The following OPA3 variants were observed in gnomAD, a reference collection of about 807,000 sequenced individuals.
The protein encoded by OPA3 is optic atrophy 3 protein.
OPA3 carries 6 observed loss-of-function variants against 4.0 expected under a neutral mutation model. The observed-to-expected ratio is 1.51, with a 90% CI of 0.83 to 2.99. The LOEUF (loss-of-function observed/expected upper bound fraction) is 2.99. Among genes scored for constraint, OPA3 ranks in the 30% most tolerant of loss-of-function variants. The pLI is 0.00. For missense variants in OPA3, 235 were observed against 256.2 expected, an observed-to-expected ratio of 0.92 and a Z score of 0.56; for synonymous variants, 105 against 117.1, an observed-to-expected ratio of 0.90 and a Z score of 0.67.
chr19:45,574,743 G>A (rs1969742432), intron 1 of OPA3, among the ~76,000 whole-genome samples: 1 of 152,186 alleles, frequency 6.6e-6, no homozygotes, highest in Non-Finnish European at 1.5e-5. Context: ...TCTGTGCCTG[G>A]AGCTGCTTTG....
Position 45,548,656 on chromosome 19 carries a change from T to TGTG in OPA3, c.*4857_*4858insCAC, listed in dbSNP as rs1280704569. 1.5e-6 allele frequency: 1 copy of TGTG among 655,244 alleles called. No homozygotes were observed. The highest frequency in any genetic ancestry group is 3.9e-5 in the African/African-American group (1 of 25,964). The allele number at this position is 655,244 out of a possible 1,614,324, so 40.6% of individuals were successfully genotyped here. A position where few individuals can be genotyped will look rare whatever the true frequency, so the allele number is the denominator to read the frequency against. On this transcript the variant is annotated 3_prime_UTR_variant, in exon 2 of 2. Coordinates refer to ENST00000263275, the MANE Select transcript of OPA3 (RefSeq NM_025136.4). Reference sequence around the variant, plus strand: ...ACTCAGTGAGTTTTGTGTTTTATTTTTTTTATTTTTTTTTTTTTTGCGGGA... The same window carrying TGTG: ...ACTCAGTGAGTTTTGTGTTTTATTTTGTGTTTTATTTTTTTTTTTTTTGCGGGA...
At chr19:45,540,813 C>A (rs1438816146) in intron 1 of OPA3, among the ~76,000 whole-genome samples, 3 of 146,802 alleles carry the variant, frequency 2.0e-5, no homozygotes, top group African/African-American at 5.0e-5. Flanking sequence ...AAAAAAAAAA[C>A]AAGCAAAAAA....
chr19:45,555,693 G>A (rs571590934), intron 1 of OPA3, among the ~76,000 whole-genome samples: 10 of 152,038 alleles, frequency 6.6e-5, no homozygotes, highest in African/African-American at 1.2e-4. Context: ...GGGTTTCACC[G>A]TGTTAGCCAG....
At chr19:45,539,812 C>T (rs1969163247) in intron 1 of OPA3, among the ~76,000 whole-genome samples, 1 of 151,324 alleles carries the variant, frequency 6.6e-6, no homozygotes, top group African/African-American at 2.4e-5. Context: ...CATTGTATGA[C>T]TCCATTTACA....
chr19:45,548,468 C>T lies in OPA3; in HGVS notation c.*5046G>A, dbSNP rs553386926. On this transcript the variant is annotated 3_prime_UTR_variant, in exon 2 of 2. Coordinates refer to ENST00000263275, the MANE Select transcript of OPA3 (RefSeq NM_025136.4). Reference sequence around the variant, plus strand: ...CTGAGTCACTCCAGAGGGAGGATTCCGGATTCAGCCCAGCCCCTGCTTCCT... The same window carrying T: ...CTGAGTCACTCCAGAGGGAGGATTCTGGATTCAGCCCAGCCCCTGCTTCCT... The T allele has an allele frequency of 1.4e-5, 14 of 985,378 alleles. No individual in the cohort carries two copies. The highest frequency in any genetic ancestry group is 1.0e-3 in the Middle Eastern group (2 of 1,914). 61.0% of individuals were successfully genotyped at this position (985,378 alleles called of 1,614,324 possible). A position where few individuals can be genotyped will look rare whatever the true frequency, so the allele number is the denominator to read the frequency against.
intron 1 of OPA3, among the ~76,000 whole-genome samples, chr19:45,530,423 T>A (rs564614144): frequency 6.6e-6 from 1 of 152,130 alleles, no homozygotes; most frequent in Non-Finnish European, 1.5e-5. Flanking sequence ...TATATGGAAT[T>A]CATCACATAT....
chr19:45,538,426 A>G (rs1406036455), intron 1 of OPA3, among the ~76,000 whole-genome samples: 1 of 152,144 alleles, frequency 6.6e-6, no homozygotes, highest in Non-Finnish European at 1.5e-5. Context: ...ATCTCAAGAA[A>G]AAAGCAAGTG....
Position 45,538,077 on chromosome 19 carries a change from GAGGAC to G in OPA3, c.143-8626_143-8622del, listed in dbSNP as rs1465740319. ...GATGGTACCACTGCACTCCAGCCTGGAGGACAGAGCTAGGCTCCATATCAAAAAAA... is the reference window on the plus strand; with the variant it reads ...GATGGTACCACTGCACTCCAGCCTGGAGAGCTAGGCTCCATATCAAAAAAA... On this transcript the variant is annotated intron_variant, in intron 1 of 1. Coordinates refer to the OPA3 transcript ENST00000323060. Among the ~76,000 whole-genome samples, 4 of 135,732 alleles carry G rather than the reference GAGGAC, an allele frequency of 2.9e-5. No homozygotes were observed. The East Asian group carries it at 8.7e-4, about 30-fold the overall frequency. 89.0% of individuals were successfully genotyped at this position (135,732 alleles called of 152,430 possible). A position where few individuals can be genotyped will look rare whatever the true frequency, so the allele number is the denominator to read the frequency against.
chr19:45,553,617 T>C lies in OPA3; in HGVS notation c.437A>G (p.Gln146Arg), dbSNP rs1371375815. The C allele has an allele frequency of 3.1e-6, 5 of 1,608,236 alleles. No homozygotes were observed. In the Admixed American group the frequency reaches 6.7e-5, roughly 21 times the overall value. ...LQAQVQAAPP[Q>R]GALEELRTEL... ...TGTGCGCAGTTCCTCCAGGGCGCCC[T>C]GTGGCGGCGCCGCCTGCACCTGCGC... The change falls in exon 2 of 2, where the codon CAG (glutamine) becomes CGG (arginine). Residue 146 changes from glutamine (Q) to arginine (R), a missense_variant. By Grantham distance (43) the Gln-to-Arg change is conservative. Coordinates refer to ENST00000263275, the MANE Select transcript of OPA3 (RefSeq NM_025136.4).
chr19:45,584,580 T>C (rs45551337), intron 1 of OPA3, 43 bp downstream of exon 1: 651 of 1,613,850 alleles, frequency 4.0e-4, no homozygotes, highest in Non-Finnish European at 5.2e-4. Context: ...TGACAGGGGT[T>C]GGAGAAAGGA....
At chr19:45,563,011 C>T (rs545599597) in intron 1 of OPA3, among the ~76,000 whole-genome samples, 1 of 152,266 alleles carries the variant, frequency 6.6e-6, no homozygotes, top group South Asian at 2.1e-4. Context: ...AGGAAATGGA[C>T]CTTCTCACCC....
At position 45,558,888 on chromosome 19, in the gene OPA3, T is replaced by C. The variant is rs147598742; in HGVS notation, c.143-4977A>G. Among the ~76,000 whole-genome samples, 72 of 151,598 alleles carry C rather than the reference T, an allele frequency of 4.7e-4. 2 individuals carry two copies. In the East Asian group the frequency reaches 0.012, roughly 26 times the overall value. ...TGAGTGCTGCTTCATGAGACTTTGG[T>C]GCTTTTTTTTTTGATACAGAGTCTT... On this transcript the variant is annotated intron_variant, in intron 1 of 1. Coordinates refer to ENST00000263275, the MANE Select transcript of OPA3 (RefSeq NM_025136.4).
At chr19:45,583,641 A>G (rs57763832) in intron 1 of OPA3, among the ~76,000 whole-genome samples, 13,845 of 152,042 alleles carry the variant, frequency 0.091, 1,084 homozygotes, top group East Asian at 0.24. Context: ...AGCTGGGATT[A>G]CAGGTGTGCG....
intron 1 of OPA3, among the ~76,000 whole-genome samples, chr19:45,540,566 G>GAA (rs11290497): frequency 6.9e-5 from 7 of 100,792 alleles, no homozygotes; most frequent in Non-Finnish European, 7.7e-5. Flanking sequence ...GTCTCAGAAA[G>GAA]AAAAAAAAAA....
rs901634176 is a variant in OPA3 at position 45,563,843 on chromosome 19, C to T, written c.143-9932G>A. 6.6e-5 allele frequency among the ~76,000 whole-genome samples: 10 copies of T among 150,766 alleles called. No homozygotes were observed. The East Asian group carries it at 1.6e-3, about 24-fold the overall frequency. On this transcript the variant is annotated intron_variant, in intron 1 of 1. Coordinates refer to ENST00000263275, the MANE Select transcript of OPA3 (RefSeq NM_025136.4). ...TGCTGGGATTACAGGTGTGAGCCAC[C>T]GCGCCCGGCCTTTTTTTTTTTTTTT...
intron 1 of OPA3, among the ~76,000 whole-genome samples, chr19:45,573,626 G>A (rs191790336): frequency 2.8e-4 from 42 of 152,216 alleles, no homozygotes; most frequent in African/African-American, 1.0e-3. Context: ...CACAGAAAGT[G>A]GCAGAGCGGG....
chr19:45,579,029 G>A (rs1969808397), intron 1 of OPA3, among the ~76,000 whole-genome samples: 1 of 151,922 alleles, frequency 6.6e-6, no homozygotes, highest in African/African-American at 2.4e-5. Context: ...GGTCCTGTGT[G>A]CATGCGGGAT....
intron 1 of OPA3, among the ~76,000 whole-genome samples, chr19:45,558,224 C>T (rs535169170): frequency 5.3e-5 from 8 of 151,898 alleles, no homozygotes; most frequent in African/African-American, 1.9e-4. Flanking sequence ...CCCACCTACT[C>T]GGGAGGCTGA....
At position 45,572,408 on chromosome 19, in the gene OPA3, C is replaced by T. The variant is rs946393239; in HGVS notation, c.142+12215G>A. Among the ~76,000 whole-genome samples, 11 of 116,060 alleles carry T rather than the reference C, an allele frequency of 9.5e-5. 1 individual carries two copies. Among genetic ancestry groups the T allele is most frequent in the South Asian group, 5.6e-4 (2 of 3,592 alleles). The allele number at this position is 116,060 out of a possible 152,430, so 76.1% of individuals were successfully genotyped here. On this transcript the variant is annotated intron_variant, in intron 1 of 1. Coordinates refer to ENST00000263275, the MANE Select transcript of OPA3 (RefSeq NM_025136.4). ...CATATATATCAACATATGAGATTAT[C>T]GATATATATCGATATATATCATGAT...
Sources: allele counts gnomAD v4.1 joint callset (sites outside exome capture counted in the v4.1 genomes callset), GRCh38; gene constraint gnomAD v4.1.1; transcripts MANE v1.5; gene names NCBI Gene and HGNC (gene_info 2026-07-23, HGNC 2026-07-21).